SIPA1L3: variants seen among roughly 807,000 people sequenced by gnomAD.
The protein encoded by SIPA1L3 is signal-induced proliferation-associated 1-like protein 3.
Under a neutral mutation model 150.1 loss-of-function variants are expected in SIPA1L3, and 59 were observed. The observed-to-expected ratio is 0.39, with a 90% CI of 0.32 to 0.49. SIPA1L3 has a LOEUF of 0.49. SIPA1L3 is among the 20% of genes least tolerant of loss of function. SIPA1L3 has a pLI of 0.86. For missense variants in SIPA1L3, 2,211 were observed against 2,489.5 expected (o/e 0.89, Z 2.38); for synonymous variants, 1,070 against 1,077.6 (o/e 0.99, Z 0.14).
intron 1 of SIPA1L3, among the ~76,000 whole-genome samples, chr19:37,983,342 C>T (rs1967248027): frequency 6.6e-6 from 1 of 152,178 alleles, no homozygotes; most frequent in African/African-American, 2.4e-5. Flanking sequence ...GGGACTGCAC[C>T]TCTCAGGACC....
At chr19:38,122,258 C>T (rs1335183774) in intron 9 of SIPA1L3, among the ~76,000 whole-genome samples, 1 of 152,160 alleles carries the variant, frequency 6.6e-6, no homozygotes, top group Non-Finnish European at 1.5e-5. Context: ...TGTTCCTCCC[C>T]ACCCCTCTCA....
intron 1 of SIPA1L3, among the ~76,000 whole-genome samples, chr19:37,979,973 G>A (rs1967163829): frequency 6.6e-6 from 1 of 152,218 alleles, no homozygotes; most frequent in Admixed American, 6.5e-5. Flanking sequence ...CTGGCTGGGA[G>A]CCAGGGCAGG....
At chr19:38,142,215 T>TA (rs904035189) in intron 11 of SIPA1L3, among the ~76,000 whole-genome samples, 1 of 152,102 alleles carries the variant, frequency 6.6e-6, no homozygotes, top group Admixed American at 6.5e-5. Context: ...TATTAAAAGA[T>TA]AAAAAGAAAA....
At chr19:38,079,128 C>G (rs538208212) in intron 2 of SIPA1L3, among the ~76,000 whole-genome samples, 1 of 152,182 alleles carries the variant, frequency 6.6e-6, no homozygotes. Context: ...GTCAGGAGAT[C>G]GAGACCATCC....
intron 4 of SIPA1L3, among the ~76,000 whole-genome samples, chr19:38,096,316 C>G (rs1970379671): frequency 6.6e-6 from 1 of 152,136 alleles, no homozygotes; most frequent in Non-Finnish European, 1.5e-5. Context: ...GTGGCACAAT[C>G]TTGGCTCACT....
chr19:37,954,097 T>C (rs1008681537), intron 1 of SIPA1L3, among the ~76,000 whole-genome samples: 1 of 152,226 alleles, frequency 6.6e-6, no homozygotes. Context: ...AAAAAGTTTT[T>C]ACTACCTTAT....
intron 1 of SIPA1L3, among the ~76,000 whole-genome samples, chr19:37,995,750 G>T (rs1291289710): frequency 2.0e-5 from 3 of 152,188 alleles, no homozygotes; most frequent in Non-Finnish European, 2.9e-5. Context: ...AGGTGAATTT[G>T]TCTTATGTCA....
chr19:38,172,974 C>T (rs1600168757), intron 15 of SIPA1L3, among the ~76,000 whole-genome samples: 1 of 151,914 alleles, frequency 6.6e-6, no homozygotes, highest in Non-Finnish European at 1.5e-5. Flanking sequence ...TGGTGGCACA[C>T]GCATGTTGTC....
intron 2 of SIPA1L3, among the ~76,000 whole-genome samples, chr19:38,067,103 C>T (rs1969611804): frequency 6.6e-6 from 1 of 151,782 alleles, no homozygotes; most frequent in Non-Finnish European, 1.5e-5. Context: ...GCCAGGTGTG[C>T]TGGCACACCC....
chr19:38,017,736 G>T (rs1353409509), intron 1 of SIPA1L3, among the ~76,000 whole-genome samples: 1 of 151,754 alleles, frequency 6.6e-6, no homozygotes, highest in Non-Finnish European at 1.5e-5. Flanking sequence ...TTGCAGTGTT[G>T]CCCAGTCTGG....
At chr19:38,165,302 G>A (rs1438239131) in intron 15 of SIPA1L3, among the ~76,000 whole-genome samples, 1 of 152,202 alleles carries the variant, frequency 6.6e-6, no homozygotes, top group African/African-American at 2.4e-5. Flanking sequence ...TAAACAAATA[G>A]AGGTGTAACA....
At chr19:38,038,292 C>T (rs1213007036) in intron 2 of SIPA1L3, among the ~76,000 whole-genome samples, 1 of 152,080 alleles carries the variant, frequency 6.6e-6, no homozygotes, top group Non-Finnish European at 1.5e-5. Flanking sequence ...GTATCTTCCT[C>T]ATGTAAAAGT....
chr19:38,008,671 C>T lies in SIPA1L3; in HGVS notation c.-378-20418C>T, dbSNP rs563223647. On this transcript the variant is annotated intron_variant, in intron 1 of 21. Coordinates refer to ENST00000222345, the MANE Select transcript of SIPA1L3 (RefSeq NM_015073.3). ...TCCTGGGCCCAAGAAATCCTCCTGC[C>T]TCAGCCTCTTGAGTAGCTGTGACTA... Among the ~76,000 whole-genome samples the T allele has an allele frequency of 2.0e-5, 3 of 152,250 alleles. No individual in the cohort carries two copies. The South Asian group carries it at 6.2e-4, about 32-fold the overall frequency.
intron 14 of SIPA1L3, among the ~76,000 whole-genome samples, chr19:38,163,198 A>G (rs1011585883): frequency 3.3e-5 from 5 of 152,178 alleles, no homozygotes; most frequent in African/African-American, 1.2e-4. Flanking sequence ...GTTGTATAAG[A>G]AAAAGTGCGG....
At chr19:38,105,896 C>T (rs1970612451) in intron 6 of SIPA1L3, among the ~76,000 whole-genome samples, 1 of 152,144 alleles carries the variant, frequency 6.6e-6, no homozygotes, top group African/African-American at 2.4e-5. Context: ...AAAGGAAGTG[C>T]CAGGTTATCA....
At chr19:38,078,830 T>C (rs571581552) in intron 2 of SIPA1L3, among the ~76,000 whole-genome samples, 2 of 152,258 alleles carry the variant, frequency 1.3e-5, no homozygotes, top group South Asian at 4.2e-4. Flanking sequence ...ACAGCTTCCA[T>C]CACAGACGGC....
At chr19:38,176,156 C>T (rs182478505) in intron 15 of SIPA1L3, among the ~76,000 whole-genome samples, 3 of 151,720 alleles carry the variant, frequency 2.0e-5, no homozygotes, top group East Asian at 2.0e-4. Context: ...ATTACAGGTG[C>T]ACACCGTCAC....
At chr19:38,031,793 G>C (rs1968660283) in intron 2 of SIPA1L3, among the ~76,000 whole-genome samples, 1 of 152,110 alleles carries the variant, frequency 6.6e-6, no homozygotes, top group South Asian at 2.1e-4. Context: ...AAATAAAATA[G>C]AAACAAATTA....
chr19:38,079,319 C>T (rs1157097646), intron 2 of SIPA1L3, among the ~76,000 whole-genome samples: 5 of 152,142 alleles, frequency 3.3e-5, no homozygotes, highest in African/African-American at 7.2e-5. Flanking sequence ...GGCAACAGAG[C>T]GAGACTCCGT....
Sources: gnomAD v4.1 joint callset for allele counts (sites outside exome capture counted in the v4.1 genomes callset) on GRCh38, gnomAD v4.1.1 for gene constraint, MANE v1.5 for transcripts, NCBI Gene and HGNC (gene_info 2026-07-23, HGNC 2026-07-21) for gene names.